Variants in IQGAP3 observed in about 807,000 individuals in gnomAD.
IQGAP3 encodes IQ motif containing GTPase activating protein 3.
In IQGAP3, 165 loss-of-function variants were observed where a neutral mutation model predicts 208.2. The observed-to-expected ratio is 0.79, with a 90% CI of 0.70 to 0.90. The LOEUF (loss-of-function observed/expected upper bound fraction) is 0.90. IQGAP3 is among the 40% of genes least tolerant of loss of function. IQGAP3 has a pLI of 0.00. For synonymous variants in IQGAP3, 703 were observed against 803.6 expected (o/e 0.87, Z 2.12); for missense variants, 1,811 against 2,043.1 (o/e 0.89, Z 2.19).
chr1:156,567,631 C>G (rs1430201495), intron 2 of IQGAP3, among the ~76,000 whole-genome samples: 1 of 152,156 alleles, frequency 6.6e-6, no homozygotes, highest in African/African-American at 2.4e-5. Flanking sequence ...GTATCTGTTT[C>G]CAAAAAGAGA....
chr1:156,561,970 G>A lies in IQGAP3; in HGVS notation c.909C>T (p.Ala303=). 1 of 1,613,038 alleles carries A rather than the reference G, an allele frequency of 6.2e-7. No individual in the cohort carries two copies. ...AGGCTTCAGGGCTCTGTCTTTCCAG[G>A]GCATCATCAACAACTTCTAGAGCCC... The part of the protein sequence containing the change: ...VHGALEVVDD[A]LERQSPEALL... The change falls in exon 10 of 38, where the codon GCC becomes GCT. Residue 303 remains alanine, a synonymous_variant. Transcript: ENST00000361170.
intron 19 of IQGAP3, 118 bp from the exon 20 acceptor site, chr1:156,544,590 G>T: frequency 1.2e-6 from 1 of 804,648 alleles, no homozygotes. Flanking sequence ...TTAAATAGAG[G>T]GGGAAGGGGA....
At position 156,526,498 on chromosome 1, in the gene IQGAP3, A is replaced by G; in HGVS notation, c.4884T>C (p.Phe1628=). The G allele has an allele frequency of 6.2e-7, 1 of 1,613,280 alleles. No homozygotes were observed. The highest frequency in any genetic ancestry group is 8.5e-7 in the Non-Finnish European group (1 of 1,179,226). The part of the protein sequence containing the change: ...NLLIFLLNKK[F]LRK ...CCCTTTGCCTCTGTCACTTCCGCAAAAACTTCTTGTTGAGGAGGAAGATGA... is the reference window on the plus strand; with the variant it reads ...CCCTTTGCCTCTGTCACTTCCGCAAGAACTTCTTGTTGAGGAGGAAGATGA... Residue 1628 remains phenylalanine, a synonymous_variant, in exon 38 of 38, where the codon TTT becomes TTC. Coordinates refer to ENST00000361170, the MANE Select transcript of IQGAP3 (RefSeq NM_178229.5).
chr1:156,569,470 A>T lies in IQGAP3; in HGVS notation c.38-7T>A, dbSNP rs774535163. The T allele has an allele frequency of 1.2e-5, 18 of 1,541,174 alleles. No individual in the cohort carries two copies. Among genetic ancestry groups the T allele is most frequent in the Admixed American group, 1.7e-5 (1 of 57,174 alleles). On this transcript the variant is annotated splice_region_variant and splice_polypyrimidine_tract_variant and intron_variant, in intron 1 of 37. Transcript: ENST00000361170. ...TCAGCTGTGAGGCGTTCATCTGAGG[A>T]GTTAAACGGGATAAGGTCAATGAAG...
intron 35 of IQGAP3, 34 bp from the exon 36 acceptor site, chr1:156,528,644 A>G: frequency 2.0e-6 from 3 of 1,528,510 alleles, no homozygotes; most frequent in Non-Finnish European, 2.7e-6. Flanking sequence ...AATTCATCCA[A>G]TAAACACTTT....
In IQGAP3 at chr1:156,556,540, T is replaced by G. The variant is rs760628310; in HGVS notation, c.1283A>C (p.Gln428Pro). 45 of 1,614,024 alleles carry G rather than the reference T, an allele frequency of 2.8e-5. No homozygotes were observed. In the African/African-American group the frequency reaches 5.9e-4, roughly 21 times the overall value. Residue 428 changes from glutamine to proline, a missense_variant, in exon 12 of 38, where the codon CAG (glutamine) becomes CCG (proline). Transcript: ENST00000361170. ...YQLELAVLQQ[Q>P]QGELGQEELF... ...CACATTTCTGGGGCTTACCCCCTGC[T>G]GCTGCTGGAGCACTGCCAGCTCCAG...
Position 156,533,188 on chromosome 1 carries a change from G to A in IQGAP3, c.3977-82C>T, listed in dbSNP as rs977195226. On this transcript the variant is annotated intron_variant, in intron 31 of 37. Coordinates refer to ENST00000361170, the MANE Select transcript of IQGAP3 (RefSeq NM_178229.5). ...ACACATACACACACACACATGCACC[G>A]ATGGGGTCACATTAAATCAGCTGCT... 15 of 1,537,310 alleles carry A rather than the reference G, an allele frequency of 9.8e-6. No homozygotes were observed. In the East Asian group the frequency reaches 1.6e-4, roughly 16 times the overall value.
At chr1:156,531,888 A>G (rs375553905) in intron 32 of IQGAP3, among the ~76,000 whole-genome samples, 1 of 151,838 alleles carries the variant, frequency 6.6e-6, no homozygotes, top group South Asian at 2.1e-4. Context: ...TACAGACATG[A>G]GCCACCGCAC....
chr1:156,541,626 C>A (rs770781294), intron 22 of IQGAP3, among the ~76,000 whole-genome samples: 1 of 152,142 alleles, frequency 6.6e-6, no homozygotes, highest in Non-Finnish European at 1.5e-5. Flanking sequence ...CTATAACTAT[C>A]CTCTCTTACC....
chr1:156,547,214 G>A (rs1571334669), intron 19 of IQGAP3, among the ~76,000 whole-genome samples: 3 of 152,242 alleles, frequency 2.0e-5, no homozygotes, highest in South Asian at 4.1e-4. Flanking sequence ...CCATCCACGG[G>A]TTGGAAGAAT....
At chr1:156,528,175 C>T in intron 36 of IQGAP3, 115 bp from the exon 37 acceptor site, 1 of 761,140 alleles carries the variant, frequency 1.3e-6, no homozygotes. Flanking sequence ...AACCAGTTTT[C>T]CCTCTGTCAC....
chr1:156,554,079 G>C (rs569783132), intron 13 of IQGAP3, among the ~76,000 whole-genome samples, 156 bp downstream of exon 13: 2 of 152,382 alleles, frequency 1.3e-5, no homozygotes, highest in Admixed American at 6.5e-5. Flanking sequence ...CTCCCAGGAA[G>C]AAACACAGGC....
rs1674928453 is a variant in IQGAP3 at position 156,540,588 on chromosome 1, A to C, written c.2739+120T>G. The C allele has an allele frequency of 1.6e-5, 13 of 805,600 alleles. No homozygotes were observed. The South Asian group carries it at 2.2e-4, about 14-fold the overall frequency. 49.9% of individuals were successfully genotyped at this position (805,600 alleles called of 1,614,324 possible). On this transcript the variant is annotated intron_variant, in intron 23 of 37. Coordinates refer to ENST00000361170, the MANE Select transcript of IQGAP3 (RefSeq NM_178229.5). ...AGAGGGCCACTGGAACAAGGACCTGAGTCAGGTGACAAAATCCACAACATT... is the reference window on the plus strand; with the variant it reads ...AGAGGGCCACTGGAACAAGGACCTGCGTCAGGTGACAAAATCCACAACATT...
intron 4 of IQGAP3, 50 bp downstream of exon 4, chr1:156,565,977 G>A (rs1358101410): frequency 7.3e-7 from 1 of 1,365,268 alleles, no homozygotes; most frequent in Non-Finnish European, 1.0e-6. Flanking sequence ...ATTGTGGGAG[G>A]TGGCTGGTAA....
intron 2 of IQGAP3, among the ~76,000 whole-genome samples, 164 bp downstream of exon 2, chr1:156,569,212 G>T (rs1322135657): frequency 8.2e-6 from 1 of 121,246 alleles, no homozygotes; most frequent in Non-Finnish European, 1.7e-5. Flanking sequence ...AAAAGGATGT[G>T]ACTGGGATTT....
At chr1:156,569,528 C>CT (rs34005985) in intron 1 of IQGAP3, 65 bp from the exon 2 acceptor site, 58,995 of 137,522 alleles carry the variant, frequency 0.43, 15,059 homozygotes, top group Non-Finnish European at 0.47. Context: ...ACTGAAGGGT[C>CT]TTTTTTTTTT....
chr1:156,537,461 A>C, intron 26 of IQGAP3, 140 bp from the exon 27 acceptor site: 1 of 776,582 alleles, frequency 1.3e-6, no homozygotes, highest in Non-Finnish European at 1.9e-6. Context: ...CTAAAGGAGA[A>C]AGGGCCAGAA....
intron 37 of IQGAP3, 29 bp downstream of exon 37, chr1:156,527,923 C>T (rs776867771): frequency 5.4e-6 from 8 of 1,494,362 alleles, no homozygotes; most frequent in African/African-American, 1.4e-5. Context: ...CAGCAGATGT[C>T]CTGCAGGCTC....
At position 156,564,680 on chromosome 1, in the gene IQGAP3, T is replaced by C. The variant is rs763550732; in HGVS notation, c.372A>G (p.Pro124=). 17 of 1,613,480 alleles carry C rather than the reference T, an allele frequency of 1.1e-5. No individual in the cohort carries two copies. In the African/African-American group the frequency reaches 2.0e-4, roughly 19 times the overall value. The change falls in exon 5 of 38, where the codon CCA becomes CCG. Residue 124 remains proline (P), a synonymous_variant. Transcript: ENST00000361170. ...TTTTGTCATAGATGTCCGTGGTCTC[T>C]GGGAAGAAGGTCTAGAGGAGAAACC... ...AHIGLPSTFF[P]ETTDIYDKKN... is the part of the protein sequence containing the mutation.
Sources: gnomAD v4.1 joint callset for allele counts (sites outside exome capture counted in the v4.1 genomes callset) on GRCh38, gnomAD v4.1.1 for gene constraint, MANE v1.5 for transcripts, NCBI Gene and HGNC (gene_info 2026-07-23, HGNC 2026-07-21) for gene names.